Variants in RUFY4 observed in about 807,000 individuals in gnomAD.
RUFY4 encodes the protein RUN and FYVE domain containing 4.
In RUFY4, 73 loss-of-function variants were observed where a neutral mutation model predicts 69.0. The ratio of observed to expected loss-of-function variants is 1.06; its 90% CI spans 0.88 to 1.29. RUFY4 has a LOEUF of 1.29. Ranked by LOEUF, RUFY4 falls within the 50% of genes most tolerant of loss-of-function variation. The pLI is 0.00. For missense variants in RUFY4, 770 were observed against 705.6 expected, an observed-to-expected ratio of 1.09 and a Z score of -1.03; for synonymous variants, 287 against 271.8, an observed-to-expected ratio of 1.06 and a Z score of -0.55.
chr2:218,055,313 T>A (rs1487371405), intron 2 of RUFY4, among the ~76,000 whole-genome samples: 2 of 151,804 alleles, frequency 1.3e-5, no homozygotes, highest in Non-Finnish European at 2.9e-5. Context: ...GAGAATTGCT[T>A]GAGCCCAGGA....
chr2:218,070,518 T>C, exon 1 of RUFY4: 1 of 1,153,102 alleles, frequency 8.7e-7, no homozygotes, highest in Non-Finnish European at 1.3e-6. Flanking sequence ...TCCTGCTTTG[T>C]GTAAGGAGAG....
At chr2:218,075,465 G>C (rs1301591766) in exon 7 of RUFY4, 1 of 1,607,382 alleles carries the variant, frequency 6.2e-7, no homozygotes, top group East Asian at 2.2e-5. Context: ...GGTTGCAGAG[G>C]GTCAGAGAAC....
At chr2:218,062,405 C>CA (rs58667428) in intron 3 of RUFY4, among the ~76,000 whole-genome samples, 30,729 of 101,044 alleles carry the variant, frequency 0.3, 4,457 homozygotes, top group East Asian at 0.43. Context: ...GACTCCGTCT[C>CA]AAAAAAAAAA....
chr2:218,064,600 C>A (rs1334161632), upstream of RUFY4, among the ~76,000 whole-genome samples: 2 of 152,148 alleles, frequency 1.3e-5, no homozygotes, highest in Admixed American at 6.5e-5. Flanking sequence ...CACCAGCTGG[C>A]AGGGGAAGGT....
intron 2 of RUFY4, among the ~76,000 whole-genome samples, chr2:218,052,504 A>T (rs1404454953): frequency 3.9e-5 from 6 of 152,190 alleles, no homozygotes; most frequent in Admixed American, 2.6e-4. Flanking sequence ...CTTCCAGGTT[A>T]TCCAAATAGG....
chr2:218,057,227 G>A (rs1313898459), intron 2 of RUFY4, among the ~76,000 whole-genome samples: 1 of 152,076 alleles, frequency 6.6e-6, no homozygotes, highest in East Asian at 1.9e-4. Flanking sequence ...AATAAAACCT[G>A]CAACTTTCTC....
upstream of RUFY4, chr2:218,070,208 C>G (rs1689451259): frequency 3.6e-6 from 1 of 274,004 alleles, no homozygotes; most frequent in Non-Finnish European, 7.2e-6. Flanking sequence ...CCTGTGGGCA[C>G]AGACACCTGA....
upstream of RUFY4, among the ~76,000 whole-genome samples, chr2:218,065,937 C>T (rs1415208080): frequency 2.6e-5 from 4 of 152,058 alleles, no homozygotes; most frequent in Non-Finnish European, 5.9e-5. Context: ...GTGTGGCTGC[C>T]CCTCCTTCAG....
chr2:218,041,512 A>C (rs558117936), intron 2 of RUFY4, among the ~76,000 whole-genome samples: 1 of 152,302 alleles, frequency 6.6e-6, no homozygotes, highest in African/African-American at 2.4e-5. Flanking sequence ...GGGCAGTTCC[A>C]AACCAGAAGC....
chr2:218,066,496 A>C (rs913006203), upstream of RUFY4, among the ~76,000 whole-genome samples: 1 of 151,930 alleles, frequency 6.6e-6, no homozygotes, highest in African/African-American at 2.4e-5. Flanking sequence ...TTTCTACAGC[A>C]CTCTGCTTTA....
chr2:218,065,085 G>C (rs973728328), upstream of RUFY4, among the ~76,000 whole-genome samples: 1 of 152,116 alleles, frequency 6.6e-6, no homozygotes, highest in Non-Finnish European at 1.5e-5. Context: ...GGAACGGGTG[G>C]AGAATCATCT....
intron 9 of RUFY4, among the ~76,000 whole-genome samples, chr2:218,084,643 A>G (rs754249089): frequency 1.9e-4 from 29 of 152,348 alleles, no homozygotes; most frequent in South Asian, 8.3e-4. Context: ...TTTACTGTCA[A>G]TTGGGAGGAA....
chr2:218,037,900 G>A (rs1351223204), intron 2 of RUFY4, among the ~76,000 whole-genome samples: 1 of 152,108 alleles, frequency 6.6e-6, no homozygotes, highest in East Asian at 1.9e-4. Context: ...AAGTACATTT[G>A]GCCAAATTTC....
At position 218,084,952 on chromosome 2, in the gene RUFY4, G is replaced by A. The variant is rs188578208; in HGVS notation, c.1502+1696G>A. On this transcript the variant is annotated intron_variant, in intron 9 of 10. Transcript: ENST00000344321. ...AATCTCAGCTATTCAAGAGGCTGAG[G>A]CAGGAGAATCACTTGAACCCAGGAG... 9.9e-4 allele frequency among the ~76,000 whole-genome samples: 151 copies of A among 152,288 alleles called. 1 individual carries two copies. The highest frequency in any genetic ancestry group is 3.5e-3 in the African/African-American group (146 of 41,554).
At chr2:218,051,568 TAAA>T (rs35465389) in intron 2 of RUFY4, among the ~76,000 whole-genome samples, 14,122 of 114,810 alleles carry the variant, frequency 0.12, 742 homozygotes, top group East Asian at 0.27. Flanking sequence ...TCCAATATTT[TAAA>T]AAAAAAAAAA....
At chr2:218,058,272 TAACGTTTTAAAACATTTTCATTGTGA>T (rs1201486730) in intron 2 of RUFY4, among the ~76,000 whole-genome samples, 7 of 152,214 alleles carry the variant, frequency 4.6e-5, no homozygotes, top group Non-Finnish European at 7.3e-5. Context: ...TCCTTTATTT[TAACGTTTTAAAACATTTTCATTGTGA>T]ATAGCATACA....
chr2:218,042,116 G>T, intron 2 of RUFY4, among the ~76,000 whole-genome samples: 1 of 152,180 alleles, frequency 6.6e-6, no homozygotes, highest in South Asian at 2.1e-4. Flanking sequence ...TGAGTGAGTG[G>T]CTGGTGGGAA....
chr2:218,075,803 G>A, intron 7 of RUFY4, 63 bp downstream of exon 9: 1 of 1,346,804 alleles, frequency 7.4e-7, no homozygotes, highest in Non-Finnish European at 9.6e-7. Flanking sequence ...CACAGATGAG[G>A]GTCTGCAATG....
At chr2:218,079,165 G>A (rs1312115087) in intron 8 of RUFY4, among the ~76,000 whole-genome samples, 3 of 152,124 alleles carry the variant, frequency 2.0e-5, no homozygotes, top group Non-Finnish European at 4.4e-5. Context: ...CACGGTGCCC[G>A]GCTTGATGTG....
Sources: gnomAD v4.1 joint callset for allele counts (sites outside exome capture counted in the v4.1 genomes callset) on GRCh38, gnomAD v4.1.1 for gene constraint, MANE v1.5 for transcripts, NCBI Gene and HGNC (gene_info 2026-07-23, HGNC 2026-07-21) for gene names.